Variants in NRG2 observed in about 807,000 individuals in gnomAD.
NRG2 encodes the protein neuregulin 2.
NRG2 carries 27 observed loss-of-function variants against 73.9 expected under a neutral mutation model. The observed-to-expected ratio is 0.37, with a 90% CI of 0.27 to 0.50. The LOEUF (loss-of-function observed/expected upper bound fraction) is 0.50. Ranked by LOEUF, NRG2 falls within the 20% of genes least tolerant of loss-of-function variation. The pLI, the probability that NRG2 is intolerant of heterozygous loss-of-function variation, is 0.96. For synonymous variants in NRG2, 532 were observed against 541.0 expected (o/e 0.98, Z 0.23); for missense variants, 1,126 against 1,210.1 (o/e 0.93, Z 1.03).
intron 1 of NRG2, among the ~76,000 whole-genome samples, chr5:139,989,883 G>C (rs1315369727): frequency 6.6e-6 from 1 of 151,326 alleles, no homozygotes; most frequent in Non-Finnish European, 1.5e-5. Flanking sequence ...CCGCCTCCTG[G>C]GTTCATGCCA....
intron 1 of NRG2, among the ~76,000 whole-genome samples, chr5:140,034,752 T>C (rs1296638904): frequency 4.6e-5 from 7 of 152,134 alleles, no homozygotes; most frequent in African/African-American, 1.4e-4. Context: ...TATAATAACA[T>C]GAATAGAATA....
intron 1 of NRG2, among the ~76,000 whole-genome samples, chr5:140,036,950 A>G (rs1761550799): frequency 6.6e-6 from 1 of 152,188 alleles, no homozygotes; most frequent in Non-Finnish European, 1.5e-5. Flanking sequence ...TGATATTTGC[A>G]TATTTACTTT....
intron 1 of NRG2, among the ~76,000 whole-genome samples, chr5:140,026,327 A>C (rs1434329780): frequency 6.6e-6 from 1 of 152,226 alleles, no homozygotes; most frequent in Non-Finnish European, 1.5e-5. Context: ...TTGGGAAGAG[A>C]TAATTACTCT....
chr5:139,953,744 G>A (rs541741786), intron 1 of NRG2, among the ~76,000 whole-genome samples: 6 of 152,274 alleles, frequency 3.9e-5, no homozygotes, highest in African/African-American at 7.2e-5. Context: ...GCCCCAGCCC[G>A]GGAGATGCTG....
Position 139,887,240 on chromosome 5 carries a change from T to A in NRG2, c.872+100A>T, listed in dbSNP as rs1331802452. 9 of 1,392,426 alleles carry A rather than the reference T, an allele frequency of 6.5e-6. No individual in the cohort carries two copies. The highest frequency in any genetic ancestry group is 8.0e-6 in the Non-Finnish European group (8 of 999,264). The allele number at this position is 1,392,426 out of a possible 1,614,324, so 86.3% of individuals were successfully genotyped here. A position where few individuals can be genotyped will look rare whatever the true frequency, so the allele number is the denominator to read the frequency against. ...GGCTGGGACTGGTTCCATGGGTGAG[T>A]CTGGGGGCACAGCCCTGGCCTCTGC... On this transcript the variant is annotated intron_variant, in intron 2 of 9. Coordinates refer to ENST00000361474, the MANE Select transcript of NRG2 (RefSeq NM_004883.3). This position sits in a 1 kb window ranked among gnomAD's most constrained non-coding sequence, Gnocchi z 4.5.
chr5:139,930,059 G>T (rs558023392), intron 1 of NRG2, among the ~76,000 whole-genome samples: 97 of 152,294 alleles, frequency 6.4e-4, no homozygotes, highest in Admixed American at 9.8e-4. Context: ...TCTGTACCAA[G>T]ATTTTAACAT....
At chr5:140,000,987 G>A (rs764162053) in intron 1 of NRG2, among the ~76,000 whole-genome samples, 1 of 152,104 alleles carries the variant, frequency 6.6e-6, no homozygotes, top group Non-Finnish European at 1.5e-5. Context: ...TGATAGCCTC[G>A]TCTTCTGCCT....
At position 139,853,749 on chromosome 5, in the gene NRG2, G is replaced by A. The variant is rs2127006250; in HGVS notation, c.1293-722C>T. On this transcript the variant is annotated intron_variant, in intron 6 of 9. Coordinates refer to ENST00000361474, the MANE Select transcript of NRG2 (RefSeq NM_004883.3). The surrounding 1 kb of genome is among the most constrained non-coding windows in gnomAD (Gnocchi z 4.1). ...TGTGAACTCACGGAGATAGAGAGTAGAAGGATGGTTACCAGAGGCTGGGAA... is the reference window on the plus strand; with the variant it reads ...TGTGAACTCACGGAGATAGAGAGTAAAAGGATGGTTACCAGAGGCTGGGAA... Among the ~76,000 whole-genome samples the A allele has an allele frequency of 6.6e-6, 1 of 152,258 alleles. No individual in the cohort carries two copies. The highest frequency in any genetic ancestry group is 1.9e-4 in the East Asian group (1 of 5,182).
intron 5 of NRG2, chr5:139,861,861 G>T: frequency 8.7e-6 from 4 of 458,628 alleles, no homozygotes; most frequent in South Asian, 6.2e-5. Flanking sequence ...CAGCCATGCT[G>T]CCCTGAGAGA....
intron 1 of NRG2, among the ~76,000 whole-genome samples, chr5:139,962,699 C>A (rs1305190453): frequency 1.3e-5 from 2 of 152,278 alleles, no homozygotes; most frequent in East Asian, 3.9e-4. Context: ...AGAAAACATT[C>A]TCATCACTAT....
intron 1 of NRG2, among the ~76,000 whole-genome samples, chr5:139,926,363 G>C (rs542665920): frequency 6.6e-6 from 1 of 152,324 alleles, no homozygotes; most frequent in South Asian, 2.1e-4. Context: ...AAGTGCTGGT[G>C]TGTGAGCCCT....
intron 4 of NRG2, among the ~76,000 whole-genome samples, chr5:139,867,835 T>TGTGTGA (rs1561639083): frequency 7.1e-6 from 1 of 141,190 alleles, no homozygotes; most frequent in South Asian, 2.2e-4. Flanking sequence ...TGTGTGTGTG[T>TGTGTGA]GACAGAGAGA....
chr5:140,040,108 A>G (rs553918230), intron 1 of NRG2, among the ~76,000 whole-genome samples: 14 of 152,312 alleles, frequency 9.2e-5, no homozygotes, highest in African/African-American at 3.1e-4. Context: ...ATTATCACCA[A>G]TTCCACAAGT....
intron 1 of NRG2, among the ~76,000 whole-genome samples, chr5:139,899,336 G>A (rs1290310492): frequency 6.6e-6 from 1 of 152,234 alleles, no homozygotes; most frequent in Non-Finnish European, 1.5e-5. Context: ...GATTCAGTAG[G>A]TCAGGGGTAG....
At chr5:139,947,313 T>C (rs1753868552) in intron 1 of NRG2, among the ~76,000 whole-genome samples, 1 of 152,218 alleles carries the variant, frequency 6.6e-6, no homozygotes, top group Non-Finnish European at 1.5e-5. Flanking sequence ...GGACATTTCA[T>C]ATAAATCAAA....
At chr5:139,871,389 G>C (rs1475219614) in intron 4 of NRG2, among the ~76,000 whole-genome samples, 1 of 152,164 alleles carries the variant, frequency 6.6e-6, no homozygotes, top group Non-Finnish European at 1.5e-5. Flanking sequence ...GGGAGGCAGA[G>C]AGAGAGAGAA....
At chr5:139,871,676 C>A in intron 4 of NRG2, 45 bp downstream of exon 4, 1 of 1,610,744 alleles carries the variant, frequency 6.2e-7, no homozygotes, top group Non-Finnish European at 8.5e-7. Flanking sequence ...CCCAGCATCT[C>A]CTACCCTGTT....
intron 1 of NRG2, among the ~76,000 whole-genome samples, chr5:139,905,916 T>C (rs1765195701): frequency 6.6e-6 from 1 of 152,182 alleles, no homozygotes; most frequent in Admixed American, 6.5e-5. Flanking sequence ...CCTTGGTTCA[T>C]TCCCTCTTCC....
chr5:139,887,588 C>A lies in NRG2; in HGVS notation c.701-77G>T. The stretch of plus-strand genomic sequence containing the variant: ...AAGCATGAGTAGTGGAGAGTAAGGG[C>A]CACTGTCTTTGGGCTGGAACTGGGG... On this transcript the variant is annotated intron_variant, in intron 1 of 9. Transcript: ENST00000361474. The surrounding 1 kb of genome is among the most constrained non-coding windows in gnomAD (Gnocchi z 4.5). The A allele has an allele frequency of 7.3e-7, 1 of 1,371,760 alleles. No individual in the cohort carries two copies. The highest frequency in any genetic ancestry group is 1.9e-5 in the Admixed American group (1 of 52,502). The allele number at this position is 1,371,760 out of a possible 1,614,324, so 85.0% of individuals were successfully genotyped here. A position where few individuals can be genotyped will look rare whatever the true frequency, so the allele number is the denominator to read the frequency against.
Sources: allele counts gnomAD v4.1 joint callset (sites outside exome capture counted in the v4.1 genomes callset), GRCh38; gene constraint gnomAD v4.1.1; non-coding constraint Gnocchi (gnomAD v3.1); transcripts MANE v1.5; gene names NCBI Gene and HGNC (gene_info 2026-07-23, HGNC 2026-07-21).